Variants in CFAP77 observed in about 807,000 individuals in gnomAD.
CFAP77 encodes the protein cilia- and flagella-associated protein 77.
CFAP77 carries 25 observed loss-of-function variants against 31.1 expected under a neutral mutation model. The observed-to-expected ratio is 0.80, with a 90% CI of 0.59 to 1.12. The LOEUF (loss-of-function observed/expected upper bound fraction) is 1.12, where lower values mean the gene tolerates loss of function less well. Ranked by LOEUF, CFAP77 falls within the 50% of genes most tolerant of loss-of-function variation. The pLI, the probability that CFAP77 is intolerant of heterozygous loss-of-function variation, is 0.00. For synonymous variants in CFAP77, 151 were observed against 159.9 expected, an observed-to-expected ratio of 0.94 and a Z score of 0.42; for missense variants, 377 against 397.3, an observed-to-expected ratio of 0.95 and a Z score of 0.44.
intron 1 of CFAP77, among the ~76,000 whole-genome samples, chr9:132,434,147 A>T (rs183057051): frequency 2.0e-5 from 3 of 151,794 alleles, no homozygotes; most frequent in Non-Finnish European, 1.5e-5. Context: ...TCGAAAAAAT[A>T]AAAATAAAAT....
chr9:132,427,144 C>T (rs1256017569), intron 1 of CFAP77, among the ~76,000 whole-genome samples: 1 of 152,182 alleles, frequency 6.6e-6, no homozygotes, highest in African/African-American at 2.4e-5. Flanking sequence ...CCAGCCTTGG[C>T]CAGATTTGGG....
Position 132,501,694 on chromosome 9 carries a change from C to T in CFAP77, c.524+2094C>T, listed in dbSNP as rs572716655. Among the ~76,000 whole-genome samples, 13 of 152,292 alleles carry T rather than the reference C, an allele frequency of 8.5e-5. No homozygotes were observed. The highest frequency in any genetic ancestry group is 3.1e-4 in the African/African-American group (13 of 41,584). On this transcript the variant is annotated intron_variant, in intron 3 of 5. Coordinates refer to ENST00000393216, the MANE Select transcript of CFAP77 (RefSeq NM_001282957.2). The surrounding 1 kb of genome is among the most constrained non-coding windows in gnomAD (Gnocchi z 4.6). ...CTAGGATGACAGGTGTGAGCCACTG[C>T]GCCCGGTTACATGACTATCTTCTAC...
intron 1 of CFAP77, among the ~76,000 whole-genome samples, chr9:132,428,271 A>T (rs1211510730): frequency 6.6e-6 from 1 of 151,810 alleles, no homozygotes; most frequent in South Asian, 2.1e-4. Flanking sequence ...TGGCCTCTCA[A>T]AGCGCTGGGA....
chr9:132,532,167 C>T lies in CFAP77; in HGVS notation c.525-5434C>T, dbSNP rs922160188. Among the ~76,000 whole-genome samples the T allele has an allele frequency of 1.4e-4, 21 of 152,346 alleles. 1 individual carries two copies. Among genetic ancestry groups the T allele is most frequent in the African/African-American group, 4.8e-4 (20 of 41,574 alleles). ...CAGGCTGCTGTGTGAAGGACCTCTG[C>T]GCAGGGGCGGCAGCTGGAAGCTGCT... On this transcript the variant is annotated intron_variant, in intron 3 of 5. Coordinates refer to ENST00000393216, the MANE Select transcript of CFAP77 (RefSeq NM_001282957.2).
chr9:132,456,575 G>A (rs1479395182), intron 1 of CFAP77, among the ~76,000 whole-genome samples: 2 of 152,070 alleles, frequency 1.3e-5, no homozygotes, highest in African/African-American at 2.4e-5. Context: ...TTGAGCGCCC[G>A]TGCAGAATCC....
rs1392715946 is a variant in CFAP77 at position 132,486,022 on chromosome 9, ATATATATATATATATATATG to A, written c.196-12669_196-12650del. On this transcript the variant is annotated intron_variant, in intron 1 of 5. Transcript: ENST00000393216. ...TATATATATATATATATATATATATATATATATATATATATATATGTATGTATATGTATGTGTGTGTGTGT... is the reference window on the plus strand; with the variant it reads ...TATATATATATATATATATATATATATATGTATATGTATGTGTGTGTGTGT... Among the ~76,000 whole-genome samples the A allele has an allele frequency of 2.2e-3, 56 of 25,848 alleles. 1 individual carries two copies. The highest frequency in any genetic ancestry group is 0.016 in the African/African-American group (51 of 3,136). The allele number at this position is 25,848 out of a possible 152,430, so 17.0% of individuals were successfully genotyped here. A position where few individuals can be genotyped will look rare whatever the true frequency, so the allele number is the denominator to read the frequency against.
chr9:132,519,848 G>GGATGGA (rs1564238537), intron 3 of CFAP77, among the ~76,000 whole-genome samples: 1 of 122,830 alleles, frequency 8.1e-6, no homozygotes, highest in Non-Finnish European at 1.7e-5. Flanking sequence ...GGATGGATGG[G>GGATGGA]TGGGTGGGTG....
intron 3 of CFAP77, among the ~76,000 whole-genome samples, chr9:132,526,333 C>T (rs963315345): frequency 6.6e-6 from 1 of 151,862 alleles, no homozygotes; most frequent in Admixed American, 6.6e-5. Context: ...GGGTTCATGC[C>T]ATTCTCCTGC....
intron 3 of CFAP77, among the ~76,000 whole-genome samples, chr9:132,509,319 T>C (rs936665165): frequency 6.6e-6 from 1 of 152,200 alleles, no homozygotes; most frequent in African/African-American, 2.4e-5. Flanking sequence ...CAGGTTCTTT[T>C]GGGAGGTGGA....
At chr9:132,504,846 C>T (rs1042092869) in intron 3 of CFAP77, among the ~76,000 whole-genome samples, 3 of 152,202 alleles carry the variant, frequency 2.0e-5, no homozygotes, top group Non-Finnish European at 4.4e-5. Flanking sequence ...ATCATTGCCC[C>T]GCTCCCTAAT....
chr9:132,499,263 T>TA lies in CFAP77; in HGVS notation c.296-106dup. On this transcript the variant is annotated intron_variant, in intron 2 of 5. Coordinates refer to ENST00000393216, the MANE Select transcript of CFAP77 (RefSeq NM_001282957.2). The surrounding 1 kb of genome is among the most constrained non-coding windows in gnomAD (Gnocchi z 5.4). Reference sequence around the variant, plus strand: ...AGGGTTGTCACCCAGTAGGCTCAGGTAAATGGGAAGGCCGAGGACCCGCGT... The same window carrying TA: ...AGGGTTGTCACCCAGTAGGCTCAGGTAAAATGGGAAGGCCGAGGACCCGCGT... 2.1e-6 allele frequency: 2 copies of TA among 955,128 alleles called. No individual in the cohort carries two copies. Among genetic ancestry groups the TA allele is most frequent in the East Asian group, 5.1e-5 (2 of 39,082 alleles). The allele number at this position is 955,128 out of a possible 1,614,324, so 59.2% of individuals were successfully genotyped here.
intron 1 of CFAP77, chr9:132,482,535 G>T (rs1432021534): frequency 5.5e-6 from 4 of 729,652 alleles, no homozygotes; most frequent in Non-Finnish European, 9.5e-6. Context: ...CACCTCCATG[G>T]TCTCGTCTAA....
rs201351590 is a variant in CFAP77, at chr9:132,499,467, G to A, written c.391G>A (p.Gly131Ser). The A allele has an allele frequency of 9.9e-6, 16 of 1,614,088 alleles. No individual in the cohort carries two copies. Among genetic ancestry groups the A allele is most frequent in the African/African-American group, 8.0e-5 (6 of 74,948 alleles). Reference protein sequence around the residue: ...IAMNRGAVKAGLVTARENLLY... With the variant: ...IAMNRGAVKASLVTARENLLY... ...AATGAACCGCGGGGCGGTGAAAGCC[G>A]GCCTGGTGACTGCCCGGGAGAACTT... The change falls in exon 3 of 6, where the codon GGC becomes AGC. Residue 131 changes from glycine (G) to serine (S), a missense_variant. By Grantham distance (56) the Gly-to-Ser change is moderately conservative (BLOSUM62 0). Transcript: ENST00000393216. The surrounding 1 kb of genome is among the most constrained non-coding windows in gnomAD (Gnocchi z 5.4).
intron 1 of CFAP77, among the ~76,000 whole-genome samples, chr9:132,431,579 G>C (rs1850412425): frequency 6.6e-6 from 1 of 152,148 alleles, no homozygotes; most frequent in South Asian, 2.1e-4. Context: ...TACAATGTCT[G>C]AGGTAAAAAT....
In CFAP77 at chr9:132,490,513, G is replaced by A. The variant is rs1192214652; in HGVS notation, c.196-8182G>A. ...CAGAGACCCGCCACCCCTCTGTCAG[G>A]CAGCTTTTCTCTGTAGGCTTCTAGA... On this transcript the variant is annotated intron_variant, in intron 1 of 5. Transcript: ENST00000393216. This position sits in a 1 kb window ranked among gnomAD's most constrained non-coding sequence, Gnocchi z 4.6. 6.6e-6 allele frequency among the ~76,000 whole-genome samples: 1 copy of A among 152,108 alleles called. No homozygotes were observed. The highest frequency in any genetic ancestry group is 6.5e-5 in the Admixed American group (1 of 15,274).
At chr9:132,550,086 G>A (rs1237603878) in intron 5 of CFAP77, among the ~76,000 whole-genome samples, 1 of 152,204 alleles carries the variant, frequency 6.6e-6, no homozygotes, top group Non-Finnish European at 1.5e-5. Flanking sequence ...GGGAGTGTCT[G>A]TGGTGGGGCC....
At chr9:132,422,664 G>A (rs946581121) in intron 1 of CFAP77, among the ~76,000 whole-genome samples, 2 of 152,198 alleles carry the variant, frequency 1.3e-5, no homozygotes, top group African/African-American at 4.8e-5. Flanking sequence ...GCACTGAGGT[G>A]AGGCTGGGCA....
At chr9:132,419,402 G>A (rs73659029) in intron 1 of CFAP77, among the ~76,000 whole-genome samples, 17,822 of 152,166 alleles carry the variant, frequency 0.12, 1,247 homozygotes, top group East Asian at 0.38. Flanking sequence ...GTGCCGTGGC[G>A]TCAGAGAAGC....
chr9:132,533,078 C>T (rs1304321154), intron 3 of CFAP77, among the ~76,000 whole-genome samples: 4 of 152,210 alleles, frequency 2.6e-5, no homozygotes, highest in Non-Finnish European at 5.9e-5. Context: ...TAGATCATCT[C>T]CAGGTCCTTA....
Sources: allele counts gnomAD v4.1 joint callset (sites outside exome capture counted in the v4.1 genomes callset), GRCh38; gene constraint gnomAD v4.1.1; non-coding constraint Gnocchi (gnomAD v3.1); transcripts MANE v1.5; gene names NCBI Gene and HGNC (gene_info 2026-07-23, HGNC 2026-07-21).